TG: variants seen among roughly 807,000 people sequenced by gnomAD.
TG encodes thyroglobulin, also known as thyroid hormones.
TG carries 270 observed loss-of-function variants against 324.7 expected under a neutral mutation model. The ratio of observed to expected loss-of-function variants is 0.83; its 90% CI spans 0.75 to 0.92. TG has a LOEUF of 0.92. Ranked by LOEUF, TG falls within the 40% of genes least tolerant of loss-of-function variation. The probability of loss-of-function intolerance (pLI) is 0.00; values close to 1 mark genes in which losing one functional copy is unlikely to be tolerated. For missense variants in TG, 3,591 were observed against 3,456.4 expected, an observed-to-expected ratio of 1.04 and a Z score of -0.98; for synonymous variants, 1,401 against 1,327.0, an observed-to-expected ratio of 1.06 and a Z score of -1.21.
intron 41 of TG, among the ~76,000 whole-genome samples, chr8:133,062,817 C>T (rs973337624): frequency 1.3e-5 from 2 of 152,148 alleles, no homozygotes; most frequent in African/African-American, 4.8e-5. Flanking sequence ...GCACAGGCCT[C>T]AGGAAGCACA....
chr8:132,996,793 A>G (rs1383482741), intron 35 of TG, among the ~76,000 whole-genome samples: 1 of 152,164 alleles, frequency 6.6e-6, no homozygotes, highest in Non-Finnish European at 1.5e-5. Context: ...TTAAGGGATG[A>G]TATGAATTTA....
chr8:132,883,380 C>T (rs544395051), intron 8 of TG: 3 of 256,168 alleles, frequency 1.2e-5, no homozygotes, highest in Non-Finnish European at 2.3e-5. Flanking sequence ...TGGAAGAGGC[C>T]ATACTTGATC....
At position 132,881,949 on chromosome 8, in the gene TG, G is replaced by A. The variant is rs750156538; in HGVS notation, c.725G>A (p.Gly242Glu). ...SGYCHCADSQ[G>E]RELAETGLEL... ...TATTGCCACTGTGCTGACAGCCAAG[G>A]GCGGGAACTGGCTGAGACAGGTGAG... The change falls in exon 6 of 48, where the codon GGG becomes GAG. Residue 242 changes from glycine (G) to glutamate (E), a missense_variant. Physicochemically the swap from Gly to Glu is moderately conservative, Grantham distance 98 (BLOSUM62 -2). Coordinates refer to ENST00000220616, the MANE Select transcript of TG (RefSeq NM_003235.5). 6.2e-7 allele frequency: 1 copy of A among 1,613,686 alleles called. No individual in the cohort carries two copies. Among genetic ancestry groups the A allele is most frequent in the Admixed American group, 1.7e-5 (1 of 60,018 alleles).
At chr8:133,075,407 G>A (rs16904822) in intron 41 of TG, among the ~76,000 whole-genome samples, 30,558 of 152,110 alleles carry the variant, frequency 0.2, 3,183 homozygotes, top group East Asian at 0.21. Context: ...TGAGATTAAA[G>A]GAGACTAAAG....
At position 133,024,392 on chromosome 8, in the gene TG, T is replaced by TTC. The variant is rs1313269544; in HGVS notation, c.7036+2243_7036+2244insCT. The stretch of plus-strand genomic sequence containing the variant: ...TTTCTTTCTTTCTTTCTTTCTTTCT[T>TTC]TTTCTTTTTTTAATTTTACTTTAAG... On this transcript the variant is annotated intron_variant, in intron 40 of 47. Coordinates refer to ENST00000220616, the MANE Select transcript of TG (RefSeq NM_003235.5). Among the ~76,000 whole-genome samples, 182 of 94,120 alleles carry TTC rather than the reference T, an allele frequency of 1.9e-3. 4 individuals carry two copies. Among genetic ancestry groups the TTC allele is most frequent in the African/African-American group, 3.5e-3 (67 of 19,222 alleles). 61.7% of individuals were successfully genotyped at this position (94,120 alleles called of 152,430 possible).
At chr8:132,870,132 G>A (rs970035337) in intron 3 of TG, among the ~76,000 whole-genome samples, 2 of 151,996 alleles carry the variant, frequency 1.3e-5, no homozygotes, top group East Asian at 3.9e-4. Context: ...AAAAATATGA[G>A]TGCCTTCTCA....
chr8:132,867,541 T>C (rs989517386), intron 1 of TG, among the ~76,000 whole-genome samples: 49 of 143,292 alleles, frequency 3.4e-4, no homozygotes, highest in African/African-American at 1.2e-3. Context: ...TTTTTTTTTT[T>C]CATTTAAAAA....
chr8:133,123,106 C>T (rs1166448555), intron 45 of TG, among the ~76,000 whole-genome samples: 2 of 152,102 alleles, frequency 1.3e-5, no homozygotes, highest in Non-Finnish European at 2.9e-5. Context: ...TGCCTCCAGA[C>T]ATTGTCACGT....
At chr8:133,099,032 T>C (rs1487999730) in intron 43 of TG, among the ~76,000 whole-genome samples, 1 of 152,196 alleles carries the variant, frequency 6.6e-6, no homozygotes, top group Non-Finnish European at 1.5e-5. Context: ...AGCTTCCCTC[T>C]AAGGTTTTTA....
intron 45 of TG, among the ~76,000 whole-genome samples, chr8:133,119,210 A>G (rs1763034099): frequency 6.6e-6 from 1 of 152,220 alleles, no homozygotes; most frequent in Non-Finnish European, 1.5e-5. Flanking sequence ...CAGTCCCCAA[A>G]GTGCTCTCAT....
intron 41 of TG, among the ~76,000 whole-genome samples, chr8:133,083,743 A>C: frequency 6.6e-6 from 1 of 152,110 alleles, no homozygotes; most frequent in East Asian, 1.9e-4. Flanking sequence ...TTTGAAGAGG[A>C]TAATGTTGGA....
intron 43 of TG, among the ~76,000 whole-genome samples, chr8:133,103,787 A>G (rs1227869914): frequency 6.6e-6 from 1 of 152,186 alleles, no homozygotes; most frequent in Non-Finnish European, 1.5e-5. Flanking sequence ...TCTCTCCAAC[A>G]TAGATTATTC....
chr8:133,058,993 T>C, intron 41 of TG: 1 of 466,232 alleles, frequency 2.1e-6, no homozygotes, highest in South Asian at 1.5e-5. Flanking sequence ...AAGCTGGGCC[T>C]GTCCATTTTG....
chr8:133,027,864 G>C (rs1836250545), intron 40 of TG, among the ~76,000 whole-genome samples: 1 of 152,208 alleles, frequency 6.6e-6, no homozygotes, highest in African/African-American at 2.4e-5. Flanking sequence ...TAAAGGAAAA[G>C]GTTGGACCAG....
At chr8:132,885,302 C>T (rs925031263) in intron 8 of TG, among the ~76,000 whole-genome samples, 5 of 151,976 alleles carry the variant, frequency 3.3e-5, no homozygotes, top group South Asian at 2.1e-4. Context: ...AATGACTTGA[C>T]CATGCAAAGA....
intron 35 of TG, among the ~76,000 whole-genome samples, chr8:133,007,756 AT>A (rs907002342): frequency 2.6e-5 from 4 of 151,670 alleles, no homozygotes; most frequent in African/African-American, 4.8e-5. Context: ...TATTAGAAAT[AT>A]GTCTAATTTA....
At chr8:133,069,004 G>C (rs1843538354) in intron 41 of TG, among the ~76,000 whole-genome samples, 1 of 152,248 alleles carries the variant, frequency 6.6e-6, no homozygotes, top group African/African-American at 2.4e-5. Flanking sequence ...AATGAAGAAA[G>C]AGTGGTAAAG....
chr8:133,053,421 G>A (rs1388586339), intron 41 of TG, among the ~76,000 whole-genome samples: 2 of 152,198 alleles, frequency 1.3e-5, no homozygotes, highest in Non-Finnish European at 2.9e-5. Context: ...AGCGGTCCCT[G>A]TGCTGCAATG....
chr8:133,044,842 T>G, intron 41 of TG: 1 of 779,380 alleles, frequency 1.3e-6, no homozygotes, highest in South Asian at 1.7e-5. Flanking sequence ...AAATTTACAG[T>G]CTGAATTAAC....
Sources: allele counts gnomAD v4.1 joint callset (sites outside exome capture counted in the v4.1 genomes callset), GRCh38; gene constraint gnomAD v4.1.1; transcripts MANE v1.5; gene names NCBI Gene and HGNC (gene_info 2026-07-23, HGNC 2026-07-21).